The following SGCZ variants were observed in gnomAD, a reference collection of about 807,000 sequenced individuals.
The protein encoded by SGCZ is zeta-sarcoglycan.
Under a neutral mutation model 41.3 loss-of-function variants are expected in SGCZ, and 40 were observed. The ratio of observed to expected loss-of-function variants is 0.97; its 90% confidence interval spans 0.75 to 1.26. The LOEUF is 1.26. SGCZ is among the 50% of genes most tolerant of loss of function. The probability of loss-of-function intolerance (pLI) is 0.00; values close to 1 mark genes in which losing one functional copy is unlikely to be tolerated. For synonymous variants in SGCZ, 206 were observed against 137.5 expected (o/e 1.50, Z -3.49); for missense variants, 552 against 369.8 (o/e 1.49, Z -4.04).
intron 1 of SGCZ, among the ~76,000 whole-genome samples, chr8:14,755,382 A>C (rs1358766980): frequency 8.5e-5 from 13 of 152,136 alleles, no homozygotes; most frequent in Admixed American, 7.2e-4. Context: ...CATAAATCCA[A>C]ATGAACAATT....
At chr8:15,137,927 A>G (rs902984474) in intron 1 of SGCZ, among the ~76,000 whole-genome samples, 1 of 152,148 alleles carries the variant, frequency 6.6e-6, no homozygotes, top group Non-Finnish European at 1.5e-5. Context: ...CCAGAATGGT[A>G]GATCCACTGA....
intron 1 of SGCZ, among the ~76,000 whole-genome samples, chr8:14,589,746 C>A (rs900210957): frequency 6.6e-6 from 1 of 152,082 alleles, no homozygotes; most frequent in African/African-American, 2.4e-5. Context: ...AAGAAAAACA[C>A]ACAGCACAAA....
intron 1 of SGCZ, among the ~76,000 whole-genome samples, chr8:14,565,565 T>A (rs1804333565): frequency 6.6e-6 from 1 of 152,092 alleles, no homozygotes; most frequent in Non-Finnish European, 1.5e-5. Context: ...TGAGTCCTGC[T>A]GCATGTTCAC....
chr8:14,482,465 C>T (rs764327369), intron 2 of SGCZ, among the ~76,000 whole-genome samples: 2 of 152,126 alleles, frequency 1.3e-5, no homozygotes, highest in African/African-American at 2.4e-5. Flanking sequence ...TCTCCCTTAC[C>T]GCTCTCAGAA....
At chr8:15,202,241 G>A (rs947712744) in intron 1 of SGCZ, among the ~76,000 whole-genome samples, 1 of 152,128 alleles carries the variant, frequency 6.6e-6, no homozygotes. Flanking sequence ...TTTCTGTAGA[G>A]GCCAAATGCT....
intron 3 of SGCZ, among the ~76,000 whole-genome samples, chr8:14,278,378 G>T (rs1321397761): frequency 6.6e-6 from 1 of 152,014 alleles, no homozygotes; most frequent in Non-Finnish European, 1.5e-5. Flanking sequence ...ACCGTGTATA[G>T]TCACAACATC....
chr8:14,408,948 A>AGTGTGTGTGTGTGTGTGTGTGT (rs775874986), intron 2 of SGCZ, among the ~76,000 whole-genome samples: 6 of 112,126 alleles, frequency 5.4e-5, no homozygotes, highest in African/African-American at 1.8e-4. Flanking sequence ...TTTTAAATTA[A>AGTGTGTGTGTGTGTGTGTGTGT]GAGAGTGTGT....
At chr8:14,601,256 G>C (rs550249499) in intron 1 of SGCZ, among the ~76,000 whole-genome samples, 1 of 152,024 alleles carries the variant, frequency 6.6e-6, no homozygotes, top group East Asian at 1.9e-4. Flanking sequence ...TTGACGGACA[G>C]GTAGCTTGTT....
intron 2 of SGCZ, among the ~76,000 whole-genome samples, chr8:14,533,549 T>C (rs1402726884): frequency 6.6e-6 from 1 of 151,938 alleles, no homozygotes; most frequent in African/African-American, 2.4e-5. Context: ...CTAAATGTGG[T>C]TTTTGTTTCA....
intron 2 of SGCZ, among the ~76,000 whole-genome samples, chr8:14,376,900 C>T (rs1157916939): frequency 1.3e-5 from 2 of 152,066 alleles, no homozygotes; most frequent in Non-Finnish European, 2.9e-5. Context: ...CATAATATAC[C>T]ACAGTGTGAT....
chr8:14,387,191 G>T (rs1446780652), intron 2 of SGCZ, among the ~76,000 whole-genome samples: 1 of 152,138 alleles, frequency 6.6e-6, no homozygotes, highest in East Asian at 1.9e-4. Flanking sequence ...AGGACTACAT[G>T]TGTGCACCAT....
chr8:14,694,348 A>C (rs1288684714), intron 1 of SGCZ, among the ~76,000 whole-genome samples: 1 of 152,086 alleles, frequency 6.6e-6, no homozygotes, highest in Non-Finnish European at 1.5e-5. Flanking sequence ...CAAAGAATCT[A>C]TTTTTCTGGG....
intron 1 of SGCZ, among the ~76,000 whole-genome samples, chr8:15,072,883 A>T (rs918047547): frequency 6.6e-6 from 1 of 152,146 alleles, no homozygotes; most frequent in Non-Finnish European, 1.5e-5. Context: ...TCTTAGAAGG[A>T]TGTTCTCTCT....
At chr8:14,842,578 C>T (rs1802962172) in intron 1 of SGCZ, among the ~76,000 whole-genome samples, 1 of 151,916 alleles carries the variant, frequency 6.6e-6, no homozygotes, top group Admixed American at 6.6e-5. Context: ...GAACATAGGG[C>T]AGAGTTATTT....
intron 2 of SGCZ, among the ~76,000 whole-genome samples, chr8:14,398,484 T>A (rs1798979688): frequency 6.6e-6 from 1 of 152,130 alleles, no homozygotes; most frequent in African/African-American, 2.4e-5. Context: ...CCAACAATTA[T>A]AGAACTTTAT....
At chr8:15,097,797 CGT>C (rs1491178893) in intron 1 of SGCZ, among the ~76,000 whole-genome samples, 2 of 108,714 alleles carry the variant, frequency 1.8e-5, no homozygotes, top group African/African-American at 9.2e-5. Context: ...TATATATATA[CGT>C]GTATATATAT....
chr8:14,725,583 G>A (rs1351365630), intron 1 of SGCZ, among the ~76,000 whole-genome samples: 2 of 152,062 alleles, frequency 1.3e-5, no homozygotes, highest in Non-Finnish European at 2.9e-5. Context: ...ATAATGAGAA[G>A]CAAGGGGCAC....
At chr8:15,127,286 A>T (rs1380213884) in intron 1 of SGCZ, among the ~76,000 whole-genome samples, 1 of 151,148 alleles carries the variant, frequency 6.6e-6, no homozygotes, top group Admixed American at 6.6e-5. Flanking sequence ...ACACACACAC[A>T]CATATACATA....
rs919977386 is a variant in SGCZ, at chr8:14,317,096, G to C, written c.336+7007C>G. On this transcript the variant is annotated intron_variant, in intron 3 of 7. Transcript: ENST00000382080. ...CATCAAATCCTTTGATTCTACTTTT[G>C]AATCATACTCTCCTTGACAATAATG... Among the ~76,000 whole-genome samples, 9 of 151,826 alleles carry C rather than the reference G, an allele frequency of 5.9e-5. No homozygotes were observed. The South Asian group carries it at 6.2e-4, about 10-fold the overall frequency.
Sources: allele counts gnomAD v4.1 joint callset (sites outside exome capture counted in the v4.1 genomes callset), GRCh38; gene constraint gnomAD v4.1.1; transcripts MANE v1.5; gene names NCBI Gene and HGNC (gene_info 2026-07-23, HGNC 2026-07-21).